Variants in LOC128462377 observed in about 807,000 individuals in gnomAD.
the LOC128462377 span, among the ~76,000 whole-genome samples, chr16:89,409,828 A>G: frequency 6.9e-6 from 1 of 145,206 alleles, no homozygotes; most frequent in Non-Finnish European, 1.5e-5. Flanking sequence ...ATTTCAATCT[A>G]AATTTATTTA....
chr16:89,317,088 A>G, the LOC128462377 span: 1 of 1,507,682 alleles, frequency 6.6e-7, no homozygotes, highest in Non-Finnish European at 9.0e-7. Context: ...GCTTCAAAAG[A>G]GAAGACACAC....
At chr16:89,369,474 C>G in the LOC128462377 span, among the ~76,000 whole-genome samples, 1 of 152,228 alleles carries the variant, frequency 6.6e-6, no homozygotes, top group African/African-American at 2.4e-5. Flanking sequence ...GGGTGCGCCG[C>G]AACAGCACAA....
At chr16:89,330,789 ACG>A in the LOC128462377 span, among the ~76,000 whole-genome samples, 1 of 151,744 alleles carries the variant, frequency 6.6e-6, no homozygotes, top group South Asian at 2.1e-4. Flanking sequence ...TCTGCAGAGA[ACG>A]GTGCTCCACT....
At chr16:89,324,976 G>C in the LOC128462377 span, 1 of 164,644 alleles carries the variant, frequency 6.1e-6, no homozygotes, top group Non-Finnish European at 1.3e-5. Context: ...ACAAGTACTG[G>C]TGAAGGGGTG....
chr16:89,368,571 T>C, the LOC128462377 span, among the ~76,000 whole-genome samples: 3 of 148,816 alleles, frequency 2.0e-5, no homozygotes, highest in Non-Finnish European at 4.4e-5. Flanking sequence ...AATTTCTTGC[T>C]CTAAGGGAAA....
chr16:89,335,253 C>G, the LOC128462377 span, among the ~76,000 whole-genome samples: 1 of 152,274 alleles, frequency 6.6e-6, no homozygotes, highest in East Asian at 1.9e-4. Flanking sequence ...CAGCCTCACA[C>G]CACCCCTGTT....
the LOC128462377 span, among the ~76,000 whole-genome samples, chr16:89,374,772 G>C: frequency 6.0e-4 from 92 of 152,300 alleles, 2 homozygotes; most frequent in Admixed American, 6.0e-3. Flanking sequence ...GATGAACGTG[G>C]ACACACACGT....
At chr16:89,334,644 C>T in the LOC128462377 span, among the ~76,000 whole-genome samples, 686 of 152,222 alleles carry the variant, frequency 4.5e-3, 6 homozygotes, top group African/African-American at 0.015. Context: ...GTCTCAGCCA[C>T]GCTCCATGAG....
the LOC128462377 span, among the ~76,000 whole-genome samples, chr16:89,362,569 C>T: frequency 1.3e-5 from 2 of 152,370 alleles, no homozygotes; most frequent in East Asian, 3.9e-4. Context: ...AGTTCCTCTT[C>T]AAAGACTTTC....
the LOC128462377 span, among the ~76,000 whole-genome samples, chr16:89,370,981 C>T: frequency 4.6e-5 from 7 of 152,242 alleles, no homozygotes; most frequent in East Asian, 1.9e-4. Flanking sequence ...CCTAGGGCTC[C>T]GTCCCTTGCT....
chr16:89,374,547 G>A, the LOC128462377 span, among the ~76,000 whole-genome samples: 1 of 152,196 alleles, frequency 6.6e-6, no homozygotes, highest in African/African-American at 2.4e-5. Context: ...CGGCCGCTGT[G>A]TGTGTGAGCT....
At chr16:89,318,949 C>T in the LOC128462377 span, among the ~76,000 whole-genome samples, 2 of 152,332 alleles carry the variant, frequency 1.3e-5, no homozygotes, top group South Asian at 2.1e-4. Context: ...TTCCAATTTT[C>T]CACCACAAAA....
At chr16:89,397,487 G>A in the LOC128462377 span, among the ~76,000 whole-genome samples, 14 of 152,328 alleles carry the variant, frequency 9.2e-5, no homozygotes, top group South Asian at 2.7e-3. Context: ...CCTTCCCCGT[G>A]GCGGGCCTTG....
chr16:89,401,048 GC>G, the LOC128462377 span, among the ~76,000 whole-genome samples: 2 of 152,126 alleles, frequency 1.3e-5, no homozygotes, highest in Admixed American at 6.5e-5. Context: ...CAACACGCTG[GC>G]CCTCAAGTTG....
At chr16:89,406,481 C>T in the LOC128462377 span, among the ~76,000 whole-genome samples, 56 of 152,208 alleles carry the variant, frequency 3.7e-4, no homozygotes, top group Non-Finnish European at 6.6e-4. Flanking sequence ...CCACCGTGCA[C>T]CGTGACAAGA....
chr16:89,393,719 T>C, the LOC128462377 span, among the ~76,000 whole-genome samples: 1 of 151,978 alleles, frequency 6.6e-6, no homozygotes, highest in Non-Finnish European at 1.5e-5. Context: ...GCCGGGCCGA[T>C]GGAAACATGC....
the LOC128462377 span, among the ~76,000 whole-genome samples, chr16:89,325,362 C>A: frequency 6.6e-6 from 1 of 152,000 alleles, no homozygotes; most frequent in African/African-American, 2.4e-5. Flanking sequence ...CACTTGAGCC[C>A]AGGAGGTCGA....
At chr16:89,408,751 G>A in the LOC128462377 span, among the ~76,000 whole-genome samples, 1 of 152,102 alleles carries the variant, frequency 6.6e-6, no homozygotes, top group African/African-American at 2.4e-5. Context: ...CTGATCAGCC[G>A]TGGAATCCTG....
At chr16:89,375,881 G>A in the LOC128462377 span, among the ~76,000 whole-genome samples, 2 of 151,336 alleles carry the variant, frequency 1.3e-5, no homozygotes, top group African/African-American at 2.4e-5. Context: ...TGCCACTAGC[G>A]ATGCTGGCAG....
Sources: allele counts gnomAD v4.1 joint callset (sites outside exome capture counted in the v4.1 genomes callset), GRCh38; gene constraint gnomAD v4.1.1; transcripts MANE v1.5.